The following DZANK1 variants were observed in gnomAD, a reference collection of about 807,000 sequenced individuals.
The protein encoded by DZANK1 is double zinc ribbon and ankyrin repeat domains 1, also known as double zinc ribbon and ankyrin repeat-containing protein 1.
DZANK1 carries 91 observed loss-of-function variants against 94.5 expected under a neutral mutation model. The observed-to-expected ratio is 0.96, with a 90% CI of 0.81 to 1.15. DZANK1 has a LOEUF of 1.15. Among genes scored for constraint, DZANK1 ranks in the 50% most tolerant of loss-of-function variants. The pLI is 0.00. For synonymous variants in DZANK1, 312 were observed against 325.3 expected, an observed-to-expected ratio of 0.96 and a Z score of 0.44; for missense variants, 903 against 916.4, an observed-to-expected ratio of 0.99 and a Z score of 0.19.
At chr20:18,453,478 T>C (rs1310107731) in intron 5 of DZANK1, among the ~76,000 whole-genome samples, 3 of 152,150 alleles carry the variant, frequency 2.0e-5, no homozygotes, top group Non-Finnish European at 4.4e-5. Flanking sequence ...GCATTTCCTC[T>C]GTTTGGTTAG....
chr20:18,413,134 T>C, intron 12 of DZANK1: 1 of 485,630 alleles, frequency 2.1e-6, no homozygotes, highest in Non-Finnish European at 3.7e-6. Flanking sequence ...CCTTTTCAGC[T>C]CTGTAATCCA....
intron 2 of DZANK1, among the ~76,000 whole-genome samples, chr20:18,464,197 C>T (rs1266867288): frequency 1.3e-5 from 2 of 152,054 alleles, no homozygotes; most frequent in Non-Finnish European, 2.9e-5. Context: ...CCTCAGCCTC[C>T]CGAGTAGCTG....
At chr20:18,412,932 C>G in intron 12 of DZANK1, 79 bp from the exon 13 acceptor site, 2 of 1,289,120 alleles carry the variant, frequency 1.6e-6, no homozygotes, top group East Asian at 5.0e-5. Flanking sequence ...GAAAACAACT[C>G]TAATCAGAAT....
intron 8 of DZANK1, 100 bp downstream of exon 8, chr20:18,443,247 A>G: frequency 1.2e-6 from 1 of 824,388 alleles, no homozygotes; most frequent in East Asian, 2.8e-5. Context: ...TTCAACAAGT[A>G]TTTATATGTG....
chr20:18,413,555 G>A (rs867416504), intron 12 of DZANK1, among the ~76,000 whole-genome samples: 112 of 152,092 alleles, frequency 7.4e-4, no homozygotes, highest in Middle Eastern at 6.8e-3. Context: ...GCCACGGTGG[G>A]TGGATCACGA....
intron 10 of DZANK1, chr20:18,421,198 A>G (rs1244211873): frequency 1.3e-5 from 2 of 156,128 alleles, no homozygotes; most frequent in African/African-American, 2.4e-5. Context: ...TCAGGTATAC[A>G]CCAAGGGCAC....
At chr20:18,415,434 C>G in exon 11 of DZANK1, 1 of 1,551,720 alleles carries the variant, frequency 6.4e-7, no homozygotes, top group Non-Finnish European at 8.7e-7. Context: ...GGGGCTTTAT[C>G]CCCACTGCAC....
chr20:18,454,664 A>G (rs2059220994), intron 4 of DZANK1: 2 of 154,888 alleles, frequency 1.3e-5, no homozygotes, highest in South Asian at 4.0e-4. Flanking sequence ...TTCTATGCCC[A>G]CTGAGGACTT....
At chr20:18,418,372 G>A (rs926691508) in intron 10 of DZANK1, among the ~76,000 whole-genome samples, 3 of 152,172 alleles carry the variant, frequency 2.0e-5, no homozygotes, top group African/African-American at 7.2e-5. Context: ...GATCTTCTCT[G>A]TGTATTCAGA....
Position 18,405,623 on chromosome 20 carries a change from G to A in DZANK1, c.1433-6997C>T, listed in dbSNP as rs150047795. Among the ~76,000 whole-genome samples the A allele has an allele frequency of 2.6e-3, 396 of 152,318 alleles. 4 individuals carry two copies. Among genetic ancestry groups the A allele is most frequent in the African/African-American group, 9.0e-3 (376 of 41,562 alleles). On this transcript the variant is annotated intron_variant, in intron 13 of 20. Coordinates refer to ENST00000262547, the Ensembl canonical transcript of DZANK1. ...CATCCAAGAAGCTCAAAAAGCTGGA[G>A]GTGGAGCAAGATGGCAGAAAAAGCC...
intron 16 of DZANK1, 56 bp from the exon 17 acceptor site, chr20:18,393,867 A>G: frequency 8.6e-7 from 1 of 1,164,150 alleles, no homozygotes; most frequent in Non-Finnish European, 1.3e-6. Flanking sequence ...TCCCCACACA[A>G]ACAGTTATTT....
intron 3 of DZANK1, among the ~76,000 whole-genome samples, chr20:18,458,364 A>AG (rs544543867): frequency 1.3e-3 from 191 of 152,340 alleles, no homozygotes; most frequent in African/African-American, 4.4e-3. Context: ...CACTCCAGCC[A>AG]GTGAACATGC....
intron 4 of DZANK1, chr20:18,454,055 G>A: frequency 1.6e-6 from 1 of 627,680 alleles, no homozygotes; most frequent in East Asian, 3.3e-5. Flanking sequence ...AGGTGAAGTG[G>A]CCAAGGCAGG....
intron 7 of DZANK1, among the ~76,000 whole-genome samples, chr20:18,447,471 C>T (rs1378323937): frequency 6.6e-6 from 1 of 151,078 alleles, no homozygotes; most frequent in African/African-American, 2.4e-5. Flanking sequence ...GGATTACAGG[C>T]GCCCACCACC....
chr20:18,455,323 T>C (rs1417593960), exon 4 of DZANK1: 3 of 1,608,354 alleles, frequency 1.9e-6, no homozygotes, highest in Non-Finnish European at 1.7e-6. Context: ...ATAGTCTACG[T>C]GAAACACCTT....
rs748373445 is a variant in DZANK1, at chr20:18,393,805, T to TCACTCACTGAAA, written c.1709-6_1714dup (p.Ser571_Asp572insValSerValSer). On this transcript the variant is annotated inframe_insertion, in exon 17 of 21. Transcript: ENST00000262547. ...AGTATCTGAGGTACTCTGGCTGTAG[T>TCACTCACTGAAA]CACTCACTGAAATGACACAGTTGGG... is the stretch of plus-strand genomic sequence containing the variant. 9 of 1,609,526 alleles carry TCACTCACTGAAA rather than the reference T, an allele frequency of 5.6e-6. No individual in the cohort carries two copies. The East Asian group carries it at 2.0e-4, about 36-fold the overall frequency.
rs61185252 is a variant in DZANK1, at chr20:18,392,038, C to T, written c.1810-1579G>A. Among the ~76,000 whole-genome samples the T allele has an allele frequency of 2.4e-3, 366 of 152,288 alleles. 5 individuals carry two copies. The highest frequency in any genetic ancestry group is 0.02 in the Admixed American group (307 of 15,304). On this transcript the variant is annotated intron_variant, in intron 17 of 20. Transcript: ENST00000262547. The stretch of plus-strand genomic sequence containing the variant: ...TAGGTTTTATTTTCAACACGTAGAA[C>T]AGTGCCTGGTACACGTGTGCTCAAA...
chr20:18,404,025 C>A (rs2056826184), intron 13 of DZANK1, among the ~76,000 whole-genome samples: 1 of 151,994 alleles, frequency 6.6e-6, no homozygotes, highest in South Asian at 2.1e-4. Flanking sequence ...GTCTCAAACT[C>A]CTGAGACGGC....
chr20:18,431,428 G>A (rs1443273070), intron 9 of DZANK1, among the ~76,000 whole-genome samples: 1 of 152,212 alleles, frequency 6.6e-6, no homozygotes, highest in African/African-American at 2.4e-5. Context: ...CCGCCTGCCG[G>A]GAGGTAAGAC....
Sources: allele counts gnomAD v4.1 joint callset (sites outside exome capture counted in the v4.1 genomes callset), GRCh38; gene constraint gnomAD v4.1.1; transcripts MANE v1.5; gene names NCBI Gene and HGNC (gene_info 2026-07-23, HGNC 2026-07-21).